CDHR2: variants seen among roughly 807,000 people sequenced by gnomAD.
CDHR2 encodes the protein cadherin related family member 2.
Under a neutral mutation model 138.6 loss-of-function variants are expected in CDHR2, and 104 were observed. That is an observed-to-expected ratio of 0.75 (90% CI 0.64 to 0.88). The LOEUF (loss-of-function observed/expected upper bound fraction) is 0.88. CDHR2 is among the 40% of genes least tolerant of loss of function. The pLI is 0.00. For missense variants in CDHR2, 1,624 were observed against 1,727.6 expected (o/e 0.94, Z 1.06); for synonymous variants, 755 against 742.8 (o/e 1.02, Z -0.27).
rs1561874491 is a variant in CDHR2 at position 176,576,143 on chromosome 5, C to T, written c.1152C>T (p.Ile384=). The change falls in exon 12 of 32, where the codon ATC becomes ATT. Residue 384 remains isoleucine (I), a synonymous_variant. Transcript: ENST00000261944. This position sits in a 1 kb window ranked among gnomAD's most constrained non-coding sequence, Gnocchi z 4.5. ...GYVDEHASPR[I]PIDDLTMVVY... is the part of the protein sequence containing the mutation. ...TGGACGAGCATGCCTCCCCCCGCAT[C>T]CCCATCGATGACCTCACCATGGTGG... 2 of 1,613,928 alleles carry T rather than the reference C, an allele frequency of 1.2e-6. No homozygotes were observed. The highest frequency in any genetic ancestry group is 2.2e-5 in the South Asian group (2 of 91,082).
intron 31 of CDHR2, among the ~76,000 whole-genome samples, chr5:176,595,106 G>A (rs1038107817): frequency 2.0e-5 from 3 of 152,210 alleles, no homozygotes; most frequent in African/African-American, 7.2e-5. Context: ...TGTGAAGAGA[G>A]GACATGTTCC....
intron 3 of CDHR2, among the ~76,000 whole-genome samples, chr5:176,567,895 C>T (rs11739547): frequency 0.6 from 91,134 of 151,958 alleles, 29,522 homozygotes; most frequent in Non-Finnish European, 0.74. Flanking sequence ...TCCCGGAGTG[C>T]GGGGATTACA....
At chr5:176,544,451 C>CTCTTTCTCTCTTTTCTTT (rs371507296), upstream of CDHR2, among the ~76,000 whole-genome samples, 319 of 146,282 alleles carry the variant, frequency 2.2e-3, 1 homozygote, top group Non-Finnish European at 3.5e-3. Flanking sequence ...TTCTCTCTTT[C>CTCTTTCTCTCTTTTCTTT]CTTTTTTTGA....
chr5:176,581,908 C>T (rs1053603372), intron 17 of CDHR2, among the ~76,000 whole-genome samples: 8 of 152,232 alleles, frequency 5.3e-5, no homozygotes, highest in Non-Finnish European at 1.0e-4. Flanking sequence ...TCCCTGCCAC[C>T]ATTGAAAAGC....
In CDHR2 at chr5:176,575,130, C is replaced by G. The variant is rs1356522123; in HGVS notation, c.542C>G (p.Ala181Gly). 2 of 1,614,184 alleles carry G rather than the reference C, an allele frequency of 1.2e-6. No individual in the cohort carries two copies. Among genetic ancestry groups the G allele is most frequent in the East Asian group, 4.5e-5 (2 of 44,888 alleles). ...AGCGAGCATCTCTTCCGGATCCTGG[C>G]CAATGGCTCCATAGTCCTCAATGGC... Reference protein sequence around the residue: ...GDSEHLFRILANGSIVLNGSL... With the variant: ...GDSEHLFRILGNGSIVLNGSL... Residue 181 changes from alanine to glycine, a missense_variant, in exon 8 of 32, where the codon GCC becomes GGC. Ala to Gly is a moderately conservative substitution (Grantham distance 60, BLOSUM62 0). This residue lies in a region of CDHR2 where 1,061 missense variants were observed against 1,136.6 expected (regional missense o/e 0.93). Coordinates refer to ENST00000261944, the MANE Select transcript of CDHR2 (RefSeq NM_017675.6).
At chr5:176,549,783 T>TA (rs1211293708) in intron 1 of CDHR2, among the ~76,000 whole-genome samples, 1 of 152,166 alleles carries the variant, frequency 6.6e-6, no homozygotes, top group Non-Finnish European at 1.5e-5. Context: ...CCTGGGCTCT[T>TA]ACCCCAGCTG....
At chr5:176,561,243 T>G (rs1757960094) in intron 1 of CDHR2, among the ~76,000 whole-genome samples, 1 of 152,218 alleles carries the variant, frequency 6.6e-6, no homozygotes, top group Non-Finnish European at 1.5e-5. Flanking sequence ...AGAGAGGGTA[T>G]GTTACTTGCC....
upstream of CDHR2, among the ~76,000 whole-genome samples, chr5:176,545,333 G>T (rs542376426): frequency 6.6e-6 from 1 of 152,080 alleles, no homozygotes; most frequent in South Asian, 2.1e-4. Flanking sequence ...CATGTTCTAC[G>T]TTTCACCATG....
chr5:176,576,343 T>C lies in CDHR2; in HGVS notation c.1194+158T>C, dbSNP rs1174398180. Reference sequence around the variant, plus strand: ...GCTGGGTGCTCTCTGGAAGCCTGTGTTGGTAAGCAGTATCATCCTCTGGGC... The same window carrying C: ...GCTGGGTGCTCTCTGGAAGCCTGTGCTGGTAAGCAGTATCATCCTCTGGGC... On this transcript the variant is annotated intron_variant, in intron 12 of 31. Coordinates refer to ENST00000261944, the MANE Select transcript of CDHR2 (RefSeq NM_017675.6). This position sits in a 1 kb window ranked among gnomAD's most constrained non-coding sequence, Gnocchi z 4.5. Among the ~76,000 whole-genome samples the C allele has an allele frequency of 6.6e-6, 1 of 151,972 alleles. No homozygotes were observed. The highest frequency in any genetic ancestry group is 1.9e-4 in the East Asian group (1 of 5,180).
Position 176,574,065 on chromosome 5 carries a change from A to G in CDHR2, c.406-18A>G. On this transcript the variant is annotated intron_variant, in intron 6 of 31. Coordinates refer to ENST00000261944, the MANE Select transcript of CDHR2 (RefSeq NM_017675.6). The stretch of plus-strand genomic sequence containing the variant: ...GGAGCTGGATTTGAGCTCATAGGTG[A>G]CGAGTCCCTCCCTGCAGACCCTGCC... The G allele has an allele frequency of 6.2e-7, 1 of 1,604,568 alleles. No individual in the cohort carries two copies. The highest frequency in any genetic ancestry group is 8.5e-7 in the Non-Finnish European group (1 of 1,172,146).
At chr5:176,566,215 G>C (rs1031175934) in intron 3 of CDHR2, among the ~76,000 whole-genome samples, 2 of 152,140 alleles carry the variant, frequency 1.3e-5, no homozygotes, top group Admixed American at 6.5e-5. Flanking sequence ...GGTGAGATGG[G>C]TTTTGAGATG....
In CDHR2 at chr5:176,568,733, T is replaced by G. The variant is rs1175040259; in HGVS notation, c.180T>G (p.Tyr60Ter). Residue 60 changes from tyrosine (Y) to a stop codon, truncating the protein, a stop_gained, in exon 4 of 32, where the codon TAT becomes TAG. Transcript: ENST00000261944. LOFTEE classifies it high-confidence loss of function. ...AEDQDNDPLT[Y>*]GMSGPNAYFF... ...ACCAGGACAATGACCCTCTGACCTA[T>G]GGGATGAGCGGCCCCAATGCCTACT... The G allele has an allele frequency of 2.0e-5, 32 of 1,614,184 alleles. No homozygotes were observed. Among genetic ancestry groups the G allele is most frequent in the Non-Finnish European group, 2.6e-5 (31 of 1,180,018 alleles).
At chr5:176,569,534 G>T (rs1290318269) in intron 5 of CDHR2, among the ~76,000 whole-genome samples, 1 of 151,762 alleles carries the variant, frequency 6.6e-6, no homozygotes. Context: ...CGCCCGCCTC[G>T]GCTTCCCAGA....
chr5:176,594,686 G>A (rs1194545577), intron 31 of CDHR2, among the ~76,000 whole-genome samples: 1 of 152,300 alleles, frequency 6.6e-6, no homozygotes, highest in Admixed American at 6.5e-5. Context: ...GGGGCCCCTC[G>A]GATGTTCCAC....
chr5:176,568,567 A>G, intron 3 of CDHR2, 111 bp from the exon 4 acceptor site: 1 of 1,230,482 alleles, frequency 8.1e-7, no homozygotes, highest in Non-Finnish European at 1.1e-6. Flanking sequence ...ATGGCAAGTC[A>G]AGCCTGTGTA....
At chr5:176,573,925 C>T (rs552367817) in intron 6 of CDHR2, among the ~76,000 whole-genome samples, 158 bp from the exon 7 acceptor site, 2 of 152,172 alleles carry the variant, frequency 1.3e-5, no homozygotes, top group Non-Finnish European at 2.9e-5. Context: ...CGCCCCGCAC[C>T]CCCAGGTGCC....
At chr5:176,569,577 C>T (rs966471362) in intron 5 of CDHR2, among the ~76,000 whole-genome samples, 5 of 152,226 alleles carry the variant, frequency 3.3e-5, no homozygotes, top group African/African-American at 7.2e-5. Flanking sequence ...CCACCACGCC[C>T]GGCCTAAATG....
At chr5:176,569,403 C>A (rs62404684) in intron 5 of CDHR2, among the ~76,000 whole-genome samples, 2,118 of 151,822 alleles carry the variant, frequency 0.014, 26 homozygotes, top group Middle Eastern at 0.034. Flanking sequence ...CCTGCCTCAG[C>A]CTCCCGAGTA....
intron 31 of CDHR2, among the ~76,000 whole-genome samples, chr5:176,594,326 T>A (rs1346458394): frequency 2.0e-5 from 3 of 152,216 alleles, no homozygotes; most frequent in African/African-American, 7.2e-5. Flanking sequence ...TTTTGGGAGC[T>A]GTCTGCCCCC....
Sources: gnomAD v4.1 joint callset for allele counts (sites outside exome capture counted in the v4.1 genomes callset) on GRCh38, gnomAD v4.1.1 for gene constraint, gnomAD v4.1.1 regional missense constraint, Gnocchi (gnomAD v3.1) non-coding constraint, MANE v1.5 for transcripts, NCBI Gene and HGNC (gene_info 2026-07-23, HGNC 2026-07-21) for gene names.